Variants in DNAH3 observed in about 807,000 individuals in gnomAD.
The protein encoded by DNAH3 is dynein axonemal heavy chain 3.
In DNAH3, 332 loss-of-function variants were observed where a neutral mutation model predicts 432.5. The ratio of observed to expected loss-of-function variants is 0.77; its 90% CI spans 0.70 to 0.84. DNAH3 has a LOEUF of 0.84. Among genes scored for constraint, DNAH3 ranks in the 40% least tolerant of loss-of-function variants. The pLI, the probability that DNAH3 is intolerant of heterozygous loss-of-function variation, is 0.00. For missense variants in DNAH3, 4,861 were observed against 5,114.0 expected (o/e 0.95, Z 1.51); for synonymous variants, 1,956 against 1,900.2 (o/e 1.03, Z -0.76).
At chr16:21,020,019 T>A in intron 40 of DNAH3, 150 bp from the exon 41 acceptor site, 1 of 815,606 alleles carries the variant, frequency 1.2e-6, no homozygotes, top group Non-Finnish European at 1.8e-6. Flanking sequence ...TCATTTCACA[T>A]GCATTTTTTT....
At chr16:21,091,215 T>C (rs978145689) in intron 18 of DNAH3, among the ~76,000 whole-genome samples, 4 of 152,116 alleles carry the variant, frequency 2.6e-5, no homozygotes, top group Non-Finnish European at 5.9e-5. Context: ...TTATAAATGT[T>C]ATCATCAGAA....
chr16:20,966,074 G>T (rs1261315333), intron 52 of DNAH3, among the ~76,000 whole-genome samples: 1 of 96,320 alleles, frequency 1.0e-5, no homozygotes. Flanking sequence ...TCTCACTTTT[G>T]CTGCCCAGGC....
chr16:20,976,253 T>A (rs982751162), intron 50 of DNAH3, among the ~76,000 whole-genome samples: 3 of 151,764 alleles, frequency 2.0e-5, no homozygotes, highest in Non-Finnish European at 2.9e-5. Flanking sequence ...GCTGTAGTGG[T>A]GAGATCTCAG....
At chr16:20,991,329 G>A (rs1222962320) in intron 44 of DNAH3, among the ~76,000 whole-genome samples, 2 of 151,670 alleles carry the variant, frequency 1.3e-5, no homozygotes, top group Admixed American at 6.6e-5. Flanking sequence ...GCAGTGGCAC[G>A]ATCTCGGCTC....
intron 15 of DNAH3, among the ~76,000 whole-genome samples, chr16:21,105,504 G>A (rs1194917345): frequency 2.0e-5 from 3 of 152,222 alleles, no homozygotes; most frequent in South Asian, 4.1e-4. Flanking sequence ...TGTGGCTCAC[G>A]CCTATAATCC....
intron 24 of DNAH3, among the ~76,000 whole-genome samples, chr16:21,066,328 A>G (rs942244786): frequency 6.6e-6 from 1 of 152,018 alleles, no homozygotes; most frequent in African/African-American, 2.4e-5. Flanking sequence ...GATTATCAGG[A>G]ATGTCAGGAG....
At position 21,072,108 on chromosome 16, in the gene DNAH3, A is replaced by C. The variant is rs115814376; in HGVS notation, c.3085-1282T>G. Among the ~76,000 whole-genome samples, 496 of 152,214 alleles carry C rather than the reference A, an allele frequency of 3.3e-3. 2 individuals are homozygous for C. The highest frequency in any genetic ancestry group is 0.012 in the African/African-American group (483 of 41,522). ...AATCCTTATTAAGTTGTTTGGACCT[A>C]ATTACTGCATAAACAAAGCTATTAG... On this transcript the variant is annotated intron_variant, in intron 21 of 61. Transcript: ENST00000261383.
chr16:20,968,522 A>G (rs1238194695), intron 52 of DNAH3, among the ~76,000 whole-genome samples: 1 of 152,228 alleles, frequency 6.6e-6, no homozygotes, highest in African/African-American at 2.4e-5. Context: ...GCAAAGTCCT[A>G]CACCTAATTT....
intron 9 of DNAH3, among the ~76,000 whole-genome samples, chr16:21,122,332 A>G (rs2092361224): frequency 6.6e-6 from 1 of 152,126 alleles, no homozygotes; most frequent in African/African-American, 2.4e-5. Flanking sequence ...AGACAGGTGG[A>G]TCACCTGAGG....
At chr16:21,110,605 C>T (rs2092047992) in intron 14 of DNAH3, among the ~76,000 whole-genome samples, 1 of 152,174 alleles carries the variant, frequency 6.6e-6, no homozygotes. Context: ...CACAAATTCC[C>T]TTTTTAACCC....
Position 20,974,694 on chromosome 16 carries a change from C to T in DNAH3, c.8259+539G>A, listed in dbSNP as rs372964234. ...CCTTTGTCTCCCAAAAATCTGGGATCACAGGTGTGAGCCACCACACCTGCC... is the reference window on the plus strand; with the variant it reads ...CCTTTGTCTCCCAAAAATCTGGGATTACAGGTGTGAGCCACCACACCTGCC... On this transcript the variant is annotated intron_variant, in intron 51 of 61. Transcript: ENST00000261383. 1.2e-3 allele frequency among the ~76,000 whole-genome samples: 174 copies of T among 142,020 alleles called. 6 individuals carry two copies. The South Asian group carries it at 0.039, about 31-fold the overall frequency. The allele number at this position is 142,020 out of a possible 152,430, so 93.2% of individuals were successfully genotyped here.
chr16:21,002,619 G>A (rs935088315), intron 42 of DNAH3, among the ~76,000 whole-genome samples: 5 of 151,938 alleles, frequency 3.3e-5, no homozygotes, highest in East Asian at 3.9e-4. Context: ...GCGCCACCAC[G>A]CCCAGCTAAT....
intron 1 of DNAH3, chr16:21,159,312 A>AC: frequency 6.2e-7 from 1 of 1,607,466 alleles, no homozygotes; most frequent in East Asian, 2.2e-5. Flanking sequence ...TGGGACGCGG[A>AC]CCCCCTCTCC....
chr16:21,004,144 G>C (rs1043690274), intron 41 of DNAH3, among the ~76,000 whole-genome samples: 2 of 152,118 alleles, frequency 1.3e-5, no homozygotes, highest in African/African-American at 2.4e-5. Context: ...AGGGATTAAA[G>C]TCATTATGCT....
chr16:20,990,668 A>G (rs1471005983), intron 44 of DNAH3, among the ~76,000 whole-genome samples: 2 of 152,194 alleles, frequency 1.3e-5, no homozygotes, highest in African/African-American at 4.8e-5. Context: ...AAACAAATGT[A>G]TAGTTTAGTA....
At position 21,051,828 on chromosome 16, in the gene DNAH3, G is replaced by A. The variant is rs201433760; in HGVS notation, c.4080C>T (p.Ser1360=). ...AGATCCATTGGAAATCATTCAGATC[G>A]GAGACCCTGTCCTCAGATAACTTGG... The change falls in exon 29 of 62, where the codon TCC becomes TCT. Residue 1360 remains serine, a synonymous_variant. Coordinates refer to ENST00000261383, the Ensembl canonical transcript of DNAH3. The A allele has an allele frequency of 5.3e-5, 86 of 1,614,024 alleles. 1 individual carries two copies. The East Asian group carries it at 8.7e-4, about 16-fold the overall frequency.
intron 1 of DNAH3, 73 bp from the exon 3 acceptor site, chr16:21,146,161 T>A: frequency 1.0e-6 from 1 of 990,860 alleles, no homozygotes; most frequent in Non-Finnish European, 1.6e-6. Context: ...TGGTTAGGAC[T>A]AAAGAGGTCC....
chr16:20,945,289 T>C lies in DNAH3; in HGVS notation c.11344-626A>G, dbSNP rs549616162. 5.3e-4 allele frequency among the ~76,000 whole-genome samples: 80 copies of C among 152,304 alleles called. 1 individual carries two copies. Among genetic ancestry groups the C allele is most frequent in the African/African-American group, 1.8e-3 (75 of 41,562 alleles). ...CCAGCGCCATGACTGTTTACAGATGTCATGACAATGTCAGGAAGTTGCCCT... is the reference window on the plus strand; with the variant it reads ...CCAGCGCCATGACTGTTTACAGATGCCATGACAATGTCAGGAAGTTGCCCT... On this transcript the variant is annotated intron_variant, in intron 57 of 61. Coordinates refer to ENST00000261383, the Ensembl canonical transcript of DNAH3.
chr16:20,943,965 C>T (rs2083927132), intron 58 of DNAH3, among the ~76,000 whole-genome samples: 1 of 151,360 alleles, frequency 6.6e-6, no homozygotes, highest in Admixed American at 6.6e-5. Context: ...GCCTAGGTAA[C>T]CGAGCCAAAC....
Sources: gnomAD v4.1 joint callset for allele counts (sites outside exome capture counted in the v4.1 genomes callset) on GRCh38, gnomAD v4.1.1 for gene constraint, MANE v1.5 for transcripts, NCBI Gene and HGNC (gene_info 2026-07-23, HGNC 2026-07-21) for gene names.